The following FAM13A variants were observed in gnomAD, a reference collection of about 807,000 sequenced individuals.
FAM13A encodes the protein protein FAM13A.
In FAM13A, 76 loss-of-function variants were observed where a neutral mutation model predicts 129.6. The observed-to-expected ratio is 0.59, with a 90% confidence interval of 0.49 to 0.71. The LOEUF is 0.71. FAM13A is among the 30% of genes least tolerant of loss of function. FAM13A has a pLI of 0.00. For missense variants in FAM13A, 1,108 were observed against 1,249.3 expected (o/e 0.89, Z 1.70); for synonymous variants, 443 against 449.9 (o/e 0.98, Z 0.20).
intron 4 of FAM13A, among the ~76,000 whole-genome samples, chr4:88,953,487 C>CA (rs1757273257): frequency 6.6e-6 from 1 of 151,948 alleles, no homozygotes; most frequent in Admixed American, 6.6e-5. Context: ...ACAACAACAA[C>CA]AAAAAACATA....
At chr4:89,018,283 G>A (rs1322759985) in intron 3 of FAM13A, among the ~76,000 whole-genome samples, 1 of 152,184 alleles carries the variant, frequency 6.6e-6, no homozygotes, top group East Asian at 1.9e-4. Flanking sequence ...CATCAGGAGA[G>A]TGCACACAGA....
In FAM13A at chr4:88,767,968, C is replaced by A. The variant is rs769056625; in HGVS notation, c.1535+15G>T. ...TGCCCTTGGAAAGAATATTAGGAGA[C>A]AATTCTAAAATTACCTTTCATCAGA... On this transcript the variant is annotated intron_variant, in intron 12 of 23. Coordinates refer to ENST00000264344, the MANE Select transcript of FAM13A (RefSeq NM_014883.4). 1.3e-6 allele frequency: 2 copies of A among 1,502,928 alleles called. No homozygotes were observed. Among genetic ancestry groups the A allele is most frequent in the Admixed American group, 3.3e-5 (2 of 59,734 alleles). 93.1% of individuals were successfully genotyped at this position (1,502,928 alleles called of 1,614,324 possible). A position where few individuals can be genotyped will look rare whatever the true frequency, so the allele number is the denominator to read the frequency against.
chr4:88,923,229 C>A (rs1467361769), intron 5 of FAM13A, among the ~76,000 whole-genome samples: 4 of 152,156 alleles, frequency 2.6e-5, no homozygotes, highest in African/African-American at 7.2e-5. Flanking sequence ...ATACCAAAGC[C>A]TGGCAGAGAC....
intron 6 of FAM13A, among the ~76,000 whole-genome samples, chr4:88,887,534 C>CTTTT (rs1242606768): frequency 8.5e-6 from 1 of 117,718 alleles, no homozygotes; most frequent in African/African-American, 2.8e-5. Flanking sequence ...TTCTTTCTTT[C>CTTTT]TTTTTTTTTT....
chr4:88,814,375 G>T (rs1353664152), intron 7 of FAM13A, among the ~76,000 whole-genome samples: 2 of 152,182 alleles, frequency 1.3e-5, no homozygotes, highest in East Asian at 3.9e-4. Flanking sequence ...TGCACAGGAG[G>T]AGAACTATGA....
intron 7 of FAM13A, among the ~76,000 whole-genome samples, chr4:88,808,733 C>T (rs111558150): frequency 1.1e-4 from 16 of 152,022 alleles, no homozygotes; most frequent in African/African-American, 3.4e-4. Context: ...TATTTGCTGA[C>T]TCTCAATAAT....
intron 6 of FAM13A, among the ~76,000 whole-genome samples, chr4:88,905,170 T>C (rs973493645): frequency 2.0e-5 from 3 of 152,104 alleles, no homozygotes; most frequent in African/African-American, 7.2e-5. Flanking sequence ...TGTATGTATG[T>C]ATGAACGAGA....
chr4:88,886,220 T>C (rs1561251972), intron 6 of FAM13A, among the ~76,000 whole-genome samples: 1 of 152,206 alleles, frequency 6.6e-6, no homozygotes, highest in Non-Finnish European at 1.5e-5. Flanking sequence ...TCCACACGCA[T>C]GTTTATAGCA....
rs530150969 is a variant in FAM13A, at chr4:89,029,667, A to G, written c.28-18T>C. 8.3e-6 allele frequency: 13 copies of G among 1,570,142 alleles called. No individual in the cohort carries two copies. In the African/African-American group the frequency reaches 1.5e-4, roughly 18 times the overall value. On this transcript the variant is annotated intron_variant, in intron 1 of 23. Coordinates refer to ENST00000264344, the MANE Select transcript of FAM13A (RefSeq NM_014883.4). ...TTACTTTGCTTAAAGGAGCGTAAGA[A>G]AAAAGAGCAGTCAGTCATATTTACC... is the stretch of plus-strand genomic sequence containing the variant.
intron 7 of FAM13A, among the ~76,000 whole-genome samples, chr4:88,812,261 A>G (rs751540895): frequency 2.6e-5 from 4 of 152,296 alleles, no homozygotes; most frequent in Non-Finnish European, 5.9e-5. Context: ...ACCAAATTGT[A>G]CGGATTATGT....
At chr4:88,842,764 T>C (rs1043326486) in intron 7 of FAM13A, among the ~76,000 whole-genome samples, 1 of 152,208 alleles carries the variant, frequency 6.6e-6, no homozygotes, top group Non-Finnish European at 1.5e-5. Context: ...TTCTTTACCA[T>C]TACTTATCTA....
chr4:88,790,393 A>T (rs1198805560), intron 9 of FAM13A, among the ~76,000 whole-genome samples, 193 bp downstream of exon 9: 3 of 152,150 alleles, frequency 2.0e-5, no homozygotes, highest in Admixed American at 1.3e-4. Context: ...GTAGGAATAC[A>T]CATATAGAAG....
chr4:88,959,280 T>G (rs948751800), intron 4 of FAM13A, among the ~76,000 whole-genome samples: 14 of 152,116 alleles, frequency 9.2e-5, no homozygotes, highest in African/African-American at 3.1e-4. Flanking sequence ...TGATATAGTT[T>G]GAATATTTGT....
intron 7 of FAM13A, among the ~76,000 whole-genome samples, chr4:88,806,093 G>A (rs1728499493): frequency 6.6e-6 from 1 of 151,968 alleles, no homozygotes; most frequent in African/African-American, 2.4e-5. Context: ...GCGGTCCACT[G>A]GAGTGATCTC....
chr4:88,999,987 A>G (rs1764033734), intron 3 of FAM13A, among the ~76,000 whole-genome samples: 1 of 152,196 alleles, frequency 6.6e-6, no homozygotes, highest in Admixed American at 6.5e-5. Context: ...TTCTTCCAAC[A>G]TAAAAGCATT....
At chr4:88,922,015 T>C (rs1304514754) in intron 5 of FAM13A, among the ~76,000 whole-genome samples, 2 of 151,842 alleles carry the variant, frequency 1.3e-5, no homozygotes, top group African/African-American at 2.4e-5. Flanking sequence ...CCTAAATATA[T>C]ATGCACCCAA....
intron 6 of FAM13A, among the ~76,000 whole-genome samples, chr4:88,892,497 A>AAAC (rs774123146): frequency 6.6e-6 from 1 of 152,168 alleles, no homozygotes; most frequent in African/African-American, 2.4e-5. Context: ...TAAAAGAAAG[A>AAAC]AACAACAACA....
At chr4:88,860,813 T>G (rs1578998993) in intron 6 of FAM13A, among the ~76,000 whole-genome samples, 1 of 152,184 alleles carries the variant, frequency 6.6e-6, no homozygotes, top group Admixed American at 6.5e-5. Context: ...CAAAGCCAGC[T>G]GGAAATTGTA....
At chr4:88,816,275 T>A (rs1730701953) in intron 7 of FAM13A, among the ~76,000 whole-genome samples, 1 of 152,196 alleles carries the variant, frequency 6.6e-6, no homozygotes, top group Non-Finnish European at 1.5e-5. Context: ...TAAACAGAAG[T>A]AGTGTTCCAA....
Sources: gnomAD v4.1 joint callset for allele counts (sites outside exome capture counted in the v4.1 genomes callset) on GRCh38, gnomAD v4.1.1 for gene constraint, MANE v1.5 for transcripts, NCBI Gene and HGNC (gene_info 2026-07-23, HGNC 2026-07-21) for gene names.